LPP: variants seen among roughly 807,000 people sequenced by gnomAD.
The protein encoded by LPP is lipoma-preferred partner.
LPP carries 38 observed loss-of-function variants against 60.4 expected under a neutral mutation model. The observed-to-expected ratio is 0.63, with a 90% CI of 0.49 to 0.83. The LOEUF (loss-of-function observed/expected upper bound fraction) is 0.83. Among genes scored for constraint, LPP ranks in the 40% least tolerant of loss-of-function variants. LPP has a pLI of 0.00. For missense variants in LPP, 902 were observed against 783.6 expected (o/e 1.15, Z -1.80); for synonymous variants, 328 against 290.8 (o/e 1.13, Z -1.30).
intron 2 of LPP, among the ~76,000 whole-genome samples, chr3:188,245,116 C>A (rs1269846534): frequency 2.0e-5 from 3 of 151,966 alleles, no homozygotes; most frequent in Non-Finnish European, 2.9e-5. Context: ...CCTGCCCCCG[C>A]CTTTTTTTTC....
At chr3:188,842,444 T>A (rs972903392) in intron 9 of LPP, among the ~76,000 whole-genome samples, 1 of 152,196 alleles carries the variant, frequency 6.6e-6, no homozygotes, top group Non-Finnish European at 1.5e-5. Context: ...AAATGGATAG[T>A]TTGTAAATAT....
chr3:188,361,844 G>A (rs1487244185), intron 3 of LPP, among the ~76,000 whole-genome samples: 3 of 152,028 alleles, frequency 2.0e-5, no homozygotes, highest in Non-Finnish European at 4.4e-5. Context: ...TTGGGATTAC[G>A]GGCGTGAGCC....
chr3:188,793,568 C>T (rs1744479000), intron 9 of LPP, among the ~76,000 whole-genome samples: 1 of 152,222 alleles, frequency 6.6e-6, no homozygotes, highest in Non-Finnish European at 1.5e-5. Flanking sequence ...TAAGAGTAAG[C>T]GGCCAGCCTG....
At chr3:188,304,341 G>A (rs556537830) in intron 2 of LPP, among the ~76,000 whole-genome samples, 217 of 152,270 alleles carry the variant, frequency 1.4e-3, no homozygotes, top group African/African-American at 5.0e-3. Flanking sequence ...ATAATGGGGG[G>A]AAATCTGAAG....
intron 2 of LPP, among the ~76,000 whole-genome samples, chr3:188,258,443 C>T (rs1476210786): frequency 2.0e-5 from 3 of 152,196 alleles, no homozygotes; most frequent in Non-Finnish European, 2.9e-5. Context: ...CTACTTCAGC[C>T]TTGTGAGTAG....
chr3:188,515,881 A>G (rs554521377), intron 5 of LPP, among the ~76,000 whole-genome samples: 1 of 151,458 alleles, frequency 6.6e-6, no homozygotes, highest in South Asian at 2.1e-4. Context: ...CAAATAACAT[A>G]GTGAATTTGA....
chr3:188,806,919 T>A (rs1749322391), intron 9 of LPP, among the ~76,000 whole-genome samples: 1 of 151,936 alleles, frequency 6.6e-6, no homozygotes, highest in South Asian at 2.1e-4. Context: ...GAATGTTATC[T>A]TTTAGAGCAA....
At chr3:188,778,430 G>T (rs1738518739) in intron 9 of LPP, among the ~76,000 whole-genome samples, 1 of 152,138 alleles carries the variant, frequency 6.6e-6, no homozygotes, top group Admixed American at 6.5e-5. Context: ...TGAAAATAGG[G>T]TCTTTTCTCT....
intron 6 of LPP, among the ~76,000 whole-genome samples, chr3:188,535,122 TGC>T (rs1022800851): frequency 5.3e-5 from 8 of 152,138 alleles, no homozygotes; most frequent in Admixed American, 3.9e-4. Context: ...CAGAACCATT[TGC>T]GCATTTTGGT....
chr3:188,496,688 G>A (rs781656457), intron 5 of LPP, among the ~76,000 whole-genome samples: 5 of 152,082 alleles, frequency 3.3e-5, no homozygotes, highest in Non-Finnish European at 7.4e-5. Context: ...TTCATTTTTA[G>A]TGAAGGAAAC....
intron 2 of LPP, among the ~76,000 whole-genome samples, chr3:188,299,150 A>C (rs538495803): frequency 2.6e-5 from 4 of 152,328 alleles, no homozygotes; most frequent in African/African-American, 7.2e-5. Context: ...AAGGGAGGCC[A>C]CTTTTCCTTC....
chr3:188,670,343 C>T (rs990832397), intron 7 of LPP, among the ~76,000 whole-genome samples: 5 of 151,992 alleles, frequency 3.3e-5, no homozygotes, highest in Admixed American at 2.0e-4. Flanking sequence ...AGTCAAAATT[C>T]CTTGTTTACA....
rs553423651 is a variant in LPP, at chr3:188,497,011, T to G, written c.306+12307T>G. Among the ~76,000 whole-genome samples the G allele has an allele frequency of 3.2e-3, 105 of 33,274 alleles. 4 individuals carry two copies. In the South Asian group the frequency reaches 0.11, roughly 35 times the overall value. The allele number at this position is 33,274 out of a possible 152,430, so 21.8% of individuals were successfully genotyped here. A position where few individuals can be genotyped will look rare whatever the true frequency, so the allele number is the denominator to read the frequency against. On this transcript the variant is annotated intron_variant, in intron 5 of 11. Transcript: ENST00000617246. ...TAGTGGAAAAAAAGTTTCTGTGGCA[T>G]TTTTTTTTTTAAGGAATACAGGATT...
intron 6 of LPP, among the ~76,000 whole-genome samples, chr3:188,600,588 T>A (rs1840947648): frequency 6.6e-6 from 1 of 152,068 alleles, no homozygotes; most frequent in African/African-American, 2.4e-5. Flanking sequence ...TCTAACCAAT[T>A]TTAAGCGTAT....
chr3:188,748,891 A>C (rs1727160890), intron 8 of LPP, among the ~76,000 whole-genome samples: 1 of 152,316 alleles, frequency 6.6e-6, no homozygotes, highest in Non-Finnish European at 1.5e-5. Flanking sequence ...ATTTTATACC[A>C]GCTATGGTCA....
In LPP at chr3:188,775,670, G is replaced by A. The variant is rs148174981; in HGVS notation, c.1410+15388G>A. Among the ~76,000 whole-genome samples, 270 of 152,278 alleles carry A rather than the reference G, an allele frequency of 1.8e-3. 2 individuals are homozygous for A. Among genetic ancestry groups the A allele is most frequent in the African/African-American group, 3.4e-3 (142 of 41,554 alleles). On this transcript the variant is annotated intron_variant, in intron 9 of 11. Transcript: ENST00000617246. Reference sequence around the variant, plus strand: ...ACTCCAGCAAAGCTGCTGGAATAACGATGTGTTCTTCCATAAAGTGCTTTT... The same window carrying A: ...ACTCCAGCAAAGCTGCTGGAATAACAATGTGTTCTTCCATAAAGTGCTTTT...
intron 3 of LPP, among the ~76,000 whole-genome samples, chr3:188,399,178 C>T (rs6444283): frequency 0.99 from 150,730 of 152,306 alleles, 74,599 homozygotes; most frequent in Non-Finnish European, 1. Flanking sequence ...ATGGCGGAGC[C>T]AAGACTAGAA....
At chr3:188,716,365 A>G (rs565055587) in intron 8 of LPP, among the ~76,000 whole-genome samples, 30 of 152,306 alleles carry the variant, frequency 2.0e-4, no homozygotes, top group African/African-American at 7.0e-4. Flanking sequence ...CTTGGTATCA[A>G]CTCAATTAAG....
Position 188,182,103 on chromosome 3 carries a change from C to T in LPP, c.-190+27851C>T, listed in dbSNP as rs1404921619. The stretch of plus-strand genomic sequence containing the variant: ...TTCTTAAGTCTAACTCCTCGTGAGT[C>T]TTTCCAGCCTCAGCACATTTCCTGA... On this transcript the variant is annotated intron_variant, in intron 1 of 11. Coordinates refer to ENST00000617246, the MANE Select transcript of LPP (RefSeq NM_001375462.1). This position sits in a 1 kb window ranked among gnomAD's most constrained non-coding sequence, Gnocchi z 4.4. Among the ~76,000 whole-genome samples, 2 of 152,234 alleles carry T rather than the reference C, an allele frequency of 1.3e-5. No individual in the cohort carries two copies. The highest frequency in any genetic ancestry group is 2.9e-5 in the Non-Finnish European group (2 of 68,038).
Sources: gnomAD v4.1 joint callset for allele counts (sites outside exome capture counted in the v4.1 genomes callset) on GRCh38, gnomAD v4.1.1 for gene constraint, Gnocchi (gnomAD v3.1) non-coding constraint, MANE v1.5 for transcripts, NCBI Gene and HGNC (gene_info 2026-07-23, HGNC 2026-07-21) for gene names.